The following ZNF366 variants were observed in gnomAD, a reference collection of about 807,000 sequenced individuals.
ZNF366 encodes dendritic cell-specific transcript protein.
ZNF366 carries 20 observed loss-of-function variants against 47.2 expected under a neutral mutation model. The observed-to-expected ratio is 0.42, with a 90% CI of 0.30 to 0.62. ZNF366 has a LOEUF of 0.62. ZNF366 is among the 20% of genes least tolerant of loss of function. The pLI is 0.16. For missense variants in ZNF366, 987 were observed against 976.3 expected (o/e 1.01, Z -0.15); for synonymous variants, 421 against 395.1 (o/e 1.07, Z -0.78).
intron 1 of ZNF366, among the ~76,000 whole-genome samples, chr5:72,476,306 C>G (rs974160016): frequency 1.3e-5 from 2 of 152,086 alleles, no homozygotes; most frequent in African/African-American, 4.8e-5. Flanking sequence ...ACCTCAGGAT[C>G]TCTTGGGTGG....
intron 1 of ZNF366, among the ~76,000 whole-genome samples, chr5:72,470,081 A>G (rs777651470): frequency 1.7e-4 from 26 of 152,230 alleles, no homozygotes; most frequent in African/African-American, 5.5e-4. Flanking sequence ...GTAGTCTGCT[A>G]TCAGTGGACA....
chr5:72,499,399 A>G (rs945103844), intron 1 of ZNF366, among the ~76,000 whole-genome samples: 1 of 151,460 alleles, frequency 6.6e-6, no homozygotes, highest in African/African-American at 2.4e-5. Flanking sequence ...GATTCTGGAT[A>G]TGCCTGCCAG....
rs759489996 is a variant in ZNF366 at position 72,461,391 on chromosome 5, C to T, written c.106G>A (p.Gly36Arg). Residue 36 changes from glycine (G) to arginine (R), a missense_variant, in exon 2 of 5, where the codon GGA becomes AGA. Gly to Arg is a moderately radical substitution (Grantham distance 125). Transcript: ENST00000318442. ...PHCLQPVASR[G>R]KAPQRHPFPE... is the part of the protein sequence containing the mutation. The stretch of plus-strand genomic sequence containing the variant: ...AAGGGGTGTCTTTGGGGAGCCTTTC[C>T]CCGAGAAGCCACTGGCTGCAGGCAG... The T allele has an allele frequency of 5.6e-6, 9 of 1,613,758 alleles. No homozygotes were observed. The East Asian group carries it at 8.9e-5, about 16-fold the overall frequency.
intron 4 of ZNF366, among the ~76,000 whole-genome samples, chr5:72,445,414 T>C (rs1387005439): frequency 5.9e-5 from 9 of 152,196 alleles, no homozygotes. Flanking sequence ...TTGTTCACTT[T>C]TTGATGCTGT....
At chr5:72,501,727 T>C (rs1744213976) in intron 1 of ZNF366, among the ~76,000 whole-genome samples, 1 of 152,220 alleles carries the variant, frequency 6.6e-6, no homozygotes, top group African/African-American at 2.4e-5. Context: ...CTCACAGCTC[T>C]TTTAGTCAAG....
At chr5:72,459,108 A>G (rs1743250358) in intron 2 of ZNF366, among the ~76,000 whole-genome samples, 1 of 152,228 alleles carries the variant, frequency 6.6e-6, no homozygotes, top group Non-Finnish European at 1.5e-5. Flanking sequence ...TGCAGAGCCC[A>G]CAAGGCAGCC....
intron 1 of ZNF366, among the ~76,000 whole-genome samples, chr5:72,473,029 G>A (rs1335580692): frequency 2.0e-5 from 3 of 152,192 alleles, no homozygotes; most frequent in Admixed American, 6.5e-5. Flanking sequence ...TCTCCTTGAA[G>A]CCAGGGACCA....
In ZNF366 at chr5:72,493,241, G is replaced by A. The variant is rs1744048116; in HGVS notation, c.-15+14010C>T. ...ATTCAGCAACAATCACGTTTGCTGA[G>A]TATTTCCTATGTGACAAGAATGTGC... On this transcript the variant is annotated intron_variant, in intron 1 of 4. Coordinates refer to ENST00000318442, the MANE Select transcript of ZNF366 (RefSeq NM_152625.3). Among the ~76,000 whole-genome samples, 4 of 152,236 alleles carry A rather than the reference G, an allele frequency of 2.6e-5. No individual in the cohort carries two copies. In the South Asian group the frequency reaches 8.3e-4, roughly 32 times the overall value.
At chr5:72,494,334 T>A (rs1367483934) in intron 1 of ZNF366, 1 of 152,186 alleles carries the variant, frequency 6.6e-6, no homozygotes, top group South Asian at 2.1e-4. Context: ...CTTCAAAGTA[T>A]CTGAGAGAAT....
At position 72,444,235 on chromosome 5, in the gene ZNF366, C is replaced by T. The variant is rs1369131396; in HGVS notation, c.1756G>A (p.Glu586Lys). The change falls in exon 5 of 5, where the codon GAG (glutamate) becomes AAG (lysine). Residue 586 changes from glutamate (E) to lysine (K), a missense_variant. Around this residue, in one of 3 missense-constraint regions of ZNF366, gnomAD observed 285 missense variants for 234.8 expected, o/e 1.21. Coordinates refer to ENST00000318442, the MANE Select transcript of ZNF366 (RefSeq NM_152625.3). The stretch of plus-strand genomic sequence containing the variant: ...GAGAGGTCAAAGGGCTCCTCCTGCT[C>T]CAGACTCCTCAGGACACCGGCTGTC... ...AQTAGVLRSL[E>K]QEEPFDLSQK... is the part of the protein sequence containing the mutation. The T allele has an allele frequency of 1.2e-6, 2 of 1,613,526 alleles. No homozygotes were observed. Among genetic ancestry groups the T allele is most frequent in the Non-Finnish European group, 1.7e-6 (2 of 1,180,034 alleles).
At chr5:72,472,486 C>G in intron 1 of ZNF366, 1 of 933,736 alleles carries the variant, frequency 1.1e-6, no homozygotes, top group Non-Finnish European at 1.3e-6. Context: ...GCCTTCCCTA[C>G]CAGTGGGTTC....
intron 1 of ZNF366, among the ~76,000 whole-genome samples, chr5:72,464,008 C>T (rs980618314): frequency 6.6e-6 from 1 of 152,162 alleles, no homozygotes; most frequent in African/African-American, 2.4e-5. Flanking sequence ...AAAGGCTGCT[C>T]AGATTGGAAA....
intron 1 of ZNF366, among the ~76,000 whole-genome samples, chr5:72,492,855 T>C (rs1055734485): frequency 6.6e-6 from 1 of 152,214 alleles, no homozygotes; most frequent in Non-Finnish European, 1.5e-5. Context: ...TGGTTTTTAA[T>C]GAGGAATAAA....
At chr5:72,479,709 C>T (rs928176575) in intron 1 of ZNF366, among the ~76,000 whole-genome samples, 3 of 152,130 alleles carry the variant, frequency 2.0e-5, no homozygotes, top group Admixed American at 2.0e-4. Flanking sequence ...CATAGAATCA[C>T]CAGTAATAGA....
intron 2 of ZNF366, among the ~76,000 whole-genome samples, chr5:72,458,088 C>A (rs542066129): frequency 7.2e-6 from 1 of 138,854 alleles, no homozygotes; most frequent in Non-Finnish European, 1.5e-5. Flanking sequence ...GTGGTCTCGG[C>A]TCACTGCAAG....
chr5:72,493,918 C>CTTTTTTTTTTT (rs70999281), intron 1 of ZNF366, among the ~76,000 whole-genome samples: 6 of 62,526 alleles, frequency 9.6e-5, no homozygotes, highest in East Asian at 6.0e-4. Flanking sequence ...CCATGCCCAG[C>CTTTTTTTTTTT]TTTTTTTTTT....
chr5:72,504,059 G>A (rs76700370), intron 1 of ZNF366, among the ~76,000 whole-genome samples: 119 of 151,692 alleles, frequency 7.8e-4, no homozygotes, highest in African/African-American at 2.6e-3. Context: ...ACACACGCAC[G>A]CACACACGCA....
chr5:72,444,217 C>G lies in ZNF366; in HGVS notation c.1774G>C (p.Asp592His), dbSNP rs757669318. 1 of 1,613,492 alleles carries G rather than the reference C, an allele frequency of 6.2e-7. No individual in the cohort carries two copies. Among genetic ancestry groups the G allele is most frequent in the South Asian group, 1.1e-5 (1 of 91,084 alleles). Reference sequence around the variant, plus strand: ...TTGGCCCGGCGCTTCTGAGAGAGGTCAAAGGGCTCCTCCTGCTCCAGACTC... The same window carrying G: ...TTGGCCCGGCGCTTCTGAGAGAGGTGAAAGGGCTCCTCCTGCTCCAGACTC... ...LRSLEQEEPFDLSQKRRAKVP... is the reference protein window; with the variant it reads ...LRSLEQEEPFHLSQKRRAKVP... Residue 592 changes from aspartate to histidine, a missense_variant, in exon 5 of 5, where the codon GAC becomes CAC. Asp to His is a moderately conservative substitution (Grantham distance 81, BLOSUM62 -1). Transcript: ENST00000318442.
In ZNF366 at chr5:72,444,044, G is replaced by A. The variant is rs771540588; in HGVS notation, c.1947C>T (p.Ser649=). The change falls in exon 5 of 5, where the codon TCC becomes TCT. Residue 649 remains serine (S), a synonymous_variant. Coordinates refer to ENST00000318442, the MANE Select transcript of ZNF366 (RefSeq NM_152625.3). The part of the protein sequence containing the change: ...SQQLCTPEDL[S]TKSEHAPEVL... ...CCTCGGGGGCGTGCTCCGACTTGGT[G>A]GACAGATCCTCGGGTGTGCAGAGCT... is the stretch of plus-strand genomic sequence containing the variant. 3.1e-6 allele frequency: 5 copies of A among 1,614,048 alleles called. No homozygotes were observed. The highest frequency in any genetic ancestry group is 4.2e-6 in the Non-Finnish European group (5 of 1,180,030).
Sources: gnomAD v4.1 joint callset for allele counts (sites outside exome capture counted in the v4.1 genomes callset) on GRCh38, gnomAD v4.1.1 for gene constraint, gnomAD v4.1.1 regional missense constraint, MANE v1.5 for transcripts, NCBI Gene and HGNC (gene_info 2026-07-23, HGNC 2026-07-21) for gene names.